The following RAB8A variants were observed in gnomAD, a reference collection of about 807,000 sequenced individuals.
RAB8A encodes the protein ras-related protein Rab-8A.
A neutral mutation model predicts 29.2 loss-of-function variants in RAB8A; 5 were observed. The ratio of observed to expected loss-of-function variants is 0.17; its 90% CI spans 0.09 to 0.36. The LOEUF (loss-of-function observed/expected upper bound fraction) is 0.36. RAB8A is among the 10% of genes least tolerant of loss of function. The pLI, the probability that RAB8A is intolerant of heterozygous loss-of-function variation, is 1.00. For missense variants in RAB8A, 171 were observed against 272.2 expected (o/e 0.63, Z 2.62); for synonymous variants, 108 against 99.9 (o/e 1.08, Z -0.49).
chr19:16,116,931 C>T (rs976385470), intron 1 of RAB8A, among the ~76,000 whole-genome samples: 1 of 151,974 alleles, frequency 6.6e-6, no homozygotes, highest in African/African-American at 2.4e-5. Context: ...TTCCAGTTTC[C>T]CCATGTGCCC....
chr19:16,133,210 TTCTG>T lies in RAB8A; in HGVS notation c.*910_*913del, dbSNP rs2090936887. ...CCACATCTGTAGTGCCATGAAGCGA[TTCTG>T]TCTTTGACTTCCAATGGCAAACCTG... On this transcript the variant is annotated 3_prime_UTR_variant, in exon 8 of 8. Transcript: ENST00000300935. The T allele has an allele frequency of 6.6e-6, 1 of 152,224 alleles. No individual in the cohort carries two copies. The highest frequency in any genetic ancestry group is 1.5e-5 in the Non-Finnish European group (1 of 68,058). The allele number at this position is 152,224 out of a possible 1,614,324, so 9.4% of individuals were successfully genotyped here.
At chr19:16,128,453 C>CA (rs1262547064) in intron 6 of RAB8A, among the ~76,000 whole-genome samples, 3 of 152,152 alleles carry the variant, frequency 2.0e-5, no homozygotes, top group Admixed American at 2.0e-4. Context: ...AGGCCCCTGT[C>CA]AAAAAAGCCC....
At chr19:16,119,634 C>G (rs2090864494) in intron 2 of RAB8A, among the ~76,000 whole-genome samples, 1 of 148,266 alleles carries the variant, frequency 6.7e-6, no homozygotes. Flanking sequence ...TTCTCCACTT[C>G]CAGCACGTTG....
At position 16,122,079 on chromosome 19, in the gene RAB8A, G is replaced by A. The variant is rs1286939455; in HGVS notation, c.246+269G>A. ...GGAATGAAGAAAGACACAGGAAGCC[G>A]GTTCTTCCAGGTGAGCTCAGTGCAG... On this transcript the variant is annotated intron_variant, in intron 3 of 7. Coordinates refer to ENST00000300935, the MANE Select transcript of RAB8A (RefSeq NM_005370.5). The surrounding 1 kb of genome is among the most constrained non-coding windows in gnomAD (Gnocchi z 4.7). 2.3e-5 allele frequency: 9 copies of A among 391,334 alleles called. No homozygotes were observed. The highest frequency in any genetic ancestry group is 4.4e-5 in the South Asian group (1 of 22,808). 24.2% of individuals were successfully genotyped at this position (391,334 alleles called of 1,614,324 possible). A position where few individuals can be genotyped will look rare whatever the true frequency, so the allele number is the denominator to read the frequency against.
chr19:16,122,054 G>A lies in RAB8A; in HGVS notation c.246+244G>A. On this transcript the variant is annotated intron_variant, in intron 3 of 7. Coordinates refer to ENST00000300935, the MANE Select transcript of RAB8A (RefSeq NM_005370.5). This position sits in a 1 kb window ranked among gnomAD's most constrained non-coding sequence, Gnocchi z 4.7. ...AATAAAGTGGAAACATAATTCTTTG[G>A]GAATGAAGAAAGACACAGGAAGCCG... is the stretch of plus-strand genomic sequence containing the variant. 2.3e-6 allele frequency: 1 copy of A among 427,660 alleles called. No individual in the cohort carries two copies. Among genetic ancestry groups the A allele is most frequent in the Non-Finnish European group, 4.3e-6 (1 of 234,694 alleles). The allele number at this position is 427,660 out of a possible 1,614,324, so 26.5% of individuals were successfully genotyped here. A position where few individuals can be genotyped will look rare whatever the true frequency, so the allele number is the denominator to read the frequency against.
At chr19:16,121,632 G>C in intron 2 of RAB8A, 118 bp from the exon 3 acceptor site, 1 of 839,496 alleles carries the variant, frequency 1.2e-6, no homozygotes, top group South Asian at 1.5e-5. Flanking sequence ...AGCAGAAGAA[G>C]GTATCACAGT....
At chr19:16,112,351 G>C (rs533411276) in intron 1 of RAB8A, 2 of 299,552 alleles carry the variant, frequency 6.7e-6, no homozygotes, top group Non-Finnish European at 1.3e-5. Context: ...CGGTTCTTTT[G>C]AGGCTCTTGC....
Position 16,132,397 on chromosome 19 carries a change from A to C in RAB8A, c.*93A>C. 1 of 1,288,568 alleles carries C rather than the reference A, an allele frequency of 7.8e-7. No homozygotes were observed. The highest frequency in any genetic ancestry group is 1.1e-6 in the Non-Finnish European group (1 of 919,132). 79.8% of individuals were successfully genotyped at this position (1,288,568 alleles called of 1,614,324 possible). A position where few individuals can be genotyped will look rare whatever the true frequency, so the allele number is the denominator to read the frequency against. ...CTCAGCCGGGGCCCTCCCACCTCCA[A>C]CGCCCCGCCCACGCCGCGGCCACCG... On this transcript the variant is annotated 3_prime_UTR_variant, in exon 8 of 8. Transcript: ENST00000300935. The surrounding 1 kb of genome is among the most constrained non-coding windows in gnomAD (Gnocchi z 5.6).
At chr19:16,115,441 A>G (rs2090842163) in intron 1 of RAB8A, among the ~76,000 whole-genome samples, 1 of 152,182 alleles carries the variant, frequency 6.6e-6, no homozygotes, top group African/African-American at 2.4e-5. Flanking sequence ...GAAGCCCCAT[A>G]GATCATTTGT....
intron 7 of RAB8A, among the ~76,000 whole-genome samples, chr19:16,130,468 G>A (rs961068920): frequency 8.5e-5 from 13 of 152,140 alleles, no homozygotes; most frequent in Admixed American, 6.5e-4. Context: ...TCTAAGATGC[G>A]GTGTGTTGAA....
chr19:16,116,550 C>T (rs1263595702), intron 1 of RAB8A, among the ~76,000 whole-genome samples: 2 of 152,162 alleles, frequency 1.3e-5, no homozygotes, highest in Non-Finnish European at 2.9e-5. Flanking sequence ...CAAGGCCAGG[C>T]ACGCACGGTG....
chr19:16,132,496 A>G lies in RAB8A; in HGVS notation c.*192A>G. On this transcript the variant is annotated 3_prime_UTR_variant, in exon 8 of 8. Transcript: ENST00000300935. The surrounding 1 kb of genome is among the most constrained non-coding windows in gnomAD (Gnocchi z 5.6). ...TGTCTGATCTTTTTCAACTTTGGAG[A>G]TGGAATAAGTTAAAAATTTGCTATT... 1 of 601,896 alleles carries G rather than the reference A, an allele frequency of 1.7e-6. No homozygotes were observed. Among genetic ancestry groups the G allele is most frequent in the Non-Finnish European group, 2.9e-6 (1 of 341,070 alleles). The allele number at this position is 601,896 out of a possible 1,614,324, so 37.3% of individuals were successfully genotyped here.
chr19:16,121,126 A>G (rs1323037556), intron 2 of RAB8A, among the ~76,000 whole-genome samples: 2 of 151,634 alleles, frequency 1.3e-5, no homozygotes, highest in Non-Finnish European at 2.9e-5. Flanking sequence ...CAAGTTGGCC[A>G]GGCTGGTCTC....
Position 16,127,704 on chromosome 19 carries a change from G to A in RAB8A, c.414+178G>A, listed in dbSNP as rs998270732. On this transcript the variant is annotated intron_variant, in intron 5 of 7. Coordinates refer to ENST00000300935, the MANE Select transcript of RAB8A (RefSeq NM_005370.5). This position sits in a 1 kb window ranked among gnomAD's most constrained non-coding sequence, Gnocchi z 4.8. ...CCGGGGCTTCTTGGGTGCACTCTGC[G>A]GGCATCTCATCAAAACCTACCATGG... 3.4e-5 allele frequency: 21 copies of A among 609,806 alleles called. No homozygotes were observed. The highest frequency in any genetic ancestry group is 5.6e-5 in the African/African-American group (3 of 54,052). 37.8% of individuals were successfully genotyped at this position (609,806 alleles called of 1,614,324 possible).
At chr19:16,121,212 C>T (rs891944339) in intron 2 of RAB8A, among the ~76,000 whole-genome samples, 6 of 151,778 alleles carry the variant, frequency 4.0e-5, no homozygotes, top group South Asian at 2.1e-4. Context: ...CCACTGCGCC[C>T]GGCCAGTTAG....
chr19:16,130,626 C>T (rs1457619379), intron 7 of RAB8A, among the ~76,000 whole-genome samples: 2 of 151,908 alleles, frequency 1.3e-5, no homozygotes, highest in Non-Finnish European at 2.9e-5. Flanking sequence ...AGGTCTGATT[C>T]TTTTTTCTTT....
chr19:16,123,925 T>C (rs2090885850), intron 3 of RAB8A: 1 of 152,012 alleles, frequency 6.6e-6, no homozygotes, highest in Admixed American at 6.6e-5. Context: ...GGCTCAGTGT[T>C]TTCCAGGTGC....
chr19:16,112,084 G>A, intron 1 of RAB8A, 59 bp downstream of exon 1: 2 of 1,596,244 alleles, frequency 1.3e-6, no homozygotes, highest in East Asian at 4.5e-5. Flanking sequence ...GCGCCCCTGA[G>A]GGGCTGGGGC....
chr19:16,125,470 G>A lies in RAB8A; in HGVS notation c.247G>A (p.Gly83Ser). ...ITTAYYRGAM[G>S]IMLVYDITNE... ...ACCTGTGTCTTCTCTCCCCGCGCAG[G>A]GCATCATGCTGGTCTACGACATCAC... Residue 83 changes from glycine (G) to serine (S), a missense_variant and splice_region_variant, in exon 4 of 8, where the codon GGC (glycine) becomes AGC (serine). Coordinates refer to ENST00000300935, the MANE Select transcript of RAB8A (RefSeq NM_005370.5). The surrounding 1 kb of genome is among the most constrained non-coding windows in gnomAD (Gnocchi z 5.0). The A allele has an allele frequency of 6.2e-7, 1 of 1,613,908 alleles. No homozygotes were observed. Among genetic ancestry groups the A allele is most frequent in the Non-Finnish European group, 8.5e-7 (1 of 1,179,846 alleles).
Sources: gnomAD v4.1 joint callset for allele counts (sites outside exome capture counted in the v4.1 genomes callset) on GRCh38, gnomAD v4.1.1 for gene constraint, Gnocchi (gnomAD v3.1) non-coding constraint, MANE v1.5 for transcripts, NCBI Gene and HGNC (gene_info 2026-07-23, HGNC 2026-07-21) for gene names.